The following BPIFC variants were observed in gnomAD, a reference collection of about 807,000 sequenced individuals.
BPIFC encodes BPI fold-containing family C protein.
In BPIFC, 60 loss-of-function variants were observed where a neutral mutation model predicts 57.6. That is an observed-to-expected ratio of 1.04 (90% CI 0.85 to 1.29). The LOEUF is 1.29. Ranked by LOEUF, BPIFC falls within the 50% of genes most tolerant of loss-of-function variation. The pLI is 0.00. For missense variants in BPIFC, 581 were observed against 600.5 expected (o/e 0.97, Z 0.34); for synonymous variants, 243 against 224.5 (o/e 1.08, Z -0.74).
At chr22:32,419,284 A>C in intron 14 of BPIFC, 78 bp downstream of exon 14, 2 of 1,447,420 alleles carry the variant, frequency 1.4e-6, no homozygotes, top group Non-Finnish European at 1.9e-6. Flanking sequence ...CACAGAAAAC[A>C]ATTAATTCGC....
intron 13 of BPIFC, among the ~76,000 whole-genome samples, chr22:32,429,961 C>T (rs548274901): frequency 2.1e-4 from 32 of 152,070 alleles, no homozygotes; most frequent in African/African-American, 6.3e-4. Flanking sequence ...TAGTCTATGC[C>T]GTCTAATCTT....
At chr22:32,432,325 G>A (rs754255627) in intron 12 of BPIFC, 48 bp downstream of exon 12, 16 of 1,594,846 alleles carry the variant, frequency 1.0e-5, no homozygotes, top group Non-Finnish European at 1.3e-5. Context: ...TCCACAGCAG[G>A]AGCAGGATTG....
At chr22:32,415,106 A>T (rs1250131070) in intron 16 of BPIFC, among the ~76,000 whole-genome samples, 1 of 152,232 alleles carries the variant, frequency 6.6e-6, no homozygotes, top group Non-Finnish European at 1.5e-5. Flanking sequence ...GGCATTAGTT[A>T]GATTCTCATA....
intron 1 of BPIFC, among the ~76,000 whole-genome samples, chr22:32,462,195 AAAG>A (rs1371447051): frequency 7.4e-4 from 111 of 150,274 alleles, no homozygotes; most frequent in African/African-American, 2.6e-3. Context: ...AAAAAAGAAA[AAAG>A]AAAAAAAAGA....
intron 1 of BPIFC, among the ~76,000 whole-genome samples, chr22:32,463,937 C>A (rs989062060): frequency 2.0e-5 from 3 of 152,170 alleles, no homozygotes; most frequent in Admixed American, 6.5e-5. Flanking sequence ...CACTGATGTG[C>A]TTTAAGACCT....
chr22:32,438,102 T>TC (rs1044544095), intron 8 of BPIFC, among the ~76,000 whole-genome samples: 1 of 152,140 alleles, frequency 6.6e-6, no homozygotes, highest in Non-Finnish European at 1.5e-5. Context: ...TGTGCAGTGG[T>TC]CCCCCTTATC....
chr22:32,429,509 G>GTTTTT (rs780948561), intron 13 of BPIFC, among the ~76,000 whole-genome samples: 843 of 56,614 alleles, frequency 0.015, 96 homozygotes, highest in East Asian at 0.021. Flanking sequence ...ACTGGCCTTT[G>GTTTTT]TTTTTTTTTT....
intron 10 of BPIFC, among the ~76,000 whole-genome samples, 171 bp downstream of exon 10, chr22:32,435,533 A>G (rs1395743228): frequency 1.3e-5 from 2 of 152,154 alleles, no homozygotes; most frequent in Admixed American, 6.6e-5. Context: ...GGGATGCTCA[A>G]CCCGTAACAA....
intron 4 of BPIFC, among the ~76,000 whole-genome samples, chr22:32,451,041 G>A (rs1411481429): frequency 6.6e-6 from 1 of 152,140 alleles, no homozygotes; most frequent in East Asian, 1.9e-4. Flanking sequence ...CATTTCCTCA[G>A]TTGTACTAGC....
At chr22:32,455,501 C>G (rs36045968) in intron 3 of BPIFC, among the ~76,000 whole-genome samples, 10,026 of 152,218 alleles carry the variant, frequency 0.066, 371 homozygotes, top group Admixed American at 0.078. Flanking sequence ...CATACGTTCT[C>G]TCCTCTCTTC....
At chr22:32,416,071 A>G in intron 15 of BPIFC, 80 bp from the exon 16 acceptor site, 2 of 756,880 alleles carry the variant, frequency 2.6e-6, no homozygotes, top group Non-Finnish European at 4.0e-6. Flanking sequence ...AGACTGACTG[A>G]CAGCTTGCTT....
rs925173993 is a variant in BPIFC, at chr22:32,437,707, T to C, written c.747+53A>G. 6.7e-6 allele frequency: 9 copies of C among 1,335,282 alleles called. No individual in the cohort carries two copies. The South Asian group carries it at 8.3e-5, about 12-fold the overall frequency. The allele number at this position is 1,335,282 out of a possible 1,614,324, so 82.7% of individuals were successfully genotyped here. A position where few individuals can be genotyped will look rare whatever the true frequency, so the allele number is the denominator to read the frequency against. On this transcript the variant is annotated intron_variant, in intron 9 of 16. Coordinates refer to ENST00000300399, the MANE Select transcript of BPIFC (RefSeq NM_174932.3). Reference sequence around the variant, plus strand: ...TGCCCAGTCCATAATCATTGTTTTCTAAATATTGGCTGTTGACAGCCAGGC... The same window carrying C: ...TGCCCAGTCCATAATCATTGTTTTCCAAATATTGGCTGTTGACAGCCAGGC...
chr22:32,449,990 T>C (rs987959704), intron 4 of BPIFC, among the ~76,000 whole-genome samples: 22 of 151,830 alleles, frequency 1.4e-4, no homozygotes, highest in African/African-American at 5.1e-4. Flanking sequence ...CACCTTGGCC[T>C]CCCAAAGTGC....
At chr22:32,448,769 G>C (rs943815897) in intron 4 of BPIFC, among the ~76,000 whole-genome samples, 2 of 151,818 alleles carry the variant, frequency 1.3e-5, no homozygotes, top group Non-Finnish European at 2.9e-5. Flanking sequence ...GAAACCCCGT[G>C]TCTACTAAAA....
chr22:32,446,527 G>A (rs1176201509), intron 5 of BPIFC, among the ~76,000 whole-genome samples: 4 of 152,196 alleles, frequency 2.6e-5, no homozygotes, highest in African/African-American at 9.6e-5. Context: ...CTATGTTGCT[G>A]TGGGGAACGT....
chr22:32,442,705 G>A lies in BPIFC; in HGVS notation c.621C>T (p.Val207=), dbSNP rs1387018015. 3.7e-6 allele frequency: 6 copies of A among 1,613,862 alleles called. No homozygotes were observed. Among genetic ancestry groups the A allele is most frequent in the Non-Finnish European group, 5.1e-6 (6 of 1,179,974 alleles). The change falls in exon 8 of 17, where the codon GTC becomes GTT. Residue 207 remains valine (V), a synonymous_variant. Transcript: ENST00000300399. ...TGCTGAGGTTGGCATTTAGCGCTTT[G>A]ACTTCACTTGCAATAATGGGACAGA... ...EMLCPIIASE[V]KALNANLSTL...
At chr22:32,433,595 A>G in intron 11 of BPIFC, 124 bp downstream of exon 11, 1 of 804,316 alleles carries the variant, frequency 1.2e-6, no homozygotes. Flanking sequence ...CGATTACGAG[A>G]AAAAACTCCC....
At chr22:32,447,607 C>CTT (rs11375413) in intron 4 of BPIFC, among the ~76,000 whole-genome samples, 10,814 of 132,754 alleles carry the variant, frequency 0.081, 651 homozygotes, top group Non-Finnish European at 0.12. Context: ...CTCTCGCTCT[C>CTT]TTTTTTTTTT....
intron 4 of BPIFC, 126 bp from the exon 5 acceptor site, chr22:32,447,466 A>C: frequency 8.9e-7 from 1 of 1,128,712 alleles, no homozygotes; most frequent in South Asian, 2.2e-5. Flanking sequence ...AGAGAAAAGA[A>C]CCTCCTGTCT....
Sources: allele counts gnomAD v4.1 joint callset (sites outside exome capture counted in the v4.1 genomes callset), GRCh38; gene constraint gnomAD v4.1.1; transcripts MANE v1.5; gene names NCBI Gene and HGNC (gene_info 2026-07-23, HGNC 2026-07-21).